The following ACSS3 variants were observed in gnomAD, a reference collection of about 807,000 sequenced individuals.
ACSS3 encodes acyl-CoA synthetase short chain family member 3.
A neutral mutation model predicts 84.2 loss-of-function variants in ACSS3; 64 were observed. That is an observed-to-expected ratio of 0.76 (90% confidence interval 0.62 to 0.94). The LOEUF (loss-of-function observed/expected upper bound fraction) is 0.94. Ranked by LOEUF, ACSS3 falls within the 40% of genes least tolerant of loss-of-function variation. The probability of loss-of-function intolerance (pLI) is 0.00; values close to 1 mark genes in which losing one functional copy is unlikely to be tolerated. For synonymous variants in ACSS3, 317 were observed against 310.1 expected, an observed-to-expected ratio of 1.02 and a Z score of -0.23; for missense variants, 815 against 867.6, an observed-to-expected ratio of 0.94 and a Z score of 0.76.
chr12:81,226,444 T>C (rs989732580), intron 11 of ACSS3, among the ~76,000 whole-genome samples: 2 of 151,816 alleles, frequency 1.3e-5, no homozygotes, highest in Non-Finnish European at 2.9e-5. Context: ...TGTAATTACC[T>C]AGCTACACAT....
intron 9 of ACSS3, among the ~76,000 whole-genome samples, chr12:81,209,916 A>G (rs1300269811): frequency 1.3e-5 from 2 of 152,212 alleles, no homozygotes; most frequent in African/African-American, 4.8e-5. Flanking sequence ...ATGCTAATGC[A>G]TTATAATTAG....
At chr12:81,231,679 T>C (rs1294192473) in intron 12 of ACSS3, among the ~76,000 whole-genome samples, 1 of 151,808 alleles carries the variant, frequency 6.6e-6, no homozygotes, top group Admixed American at 6.6e-5. Flanking sequence ...ACAGAAACAG[T>C]GTACTCAAAG....
intron 13 of ACSS3, among the ~76,000 whole-genome samples, chr12:81,245,458 T>C (rs1446411446): frequency 6.6e-6 from 1 of 152,094 alleles, no homozygotes; most frequent in Non-Finnish European, 1.5e-5. Context: ...TGAGACTCTG[T>C]CTCAAAAAAA....
intron 8 of ACSS3, among the ~76,000 whole-genome samples, chr12:81,191,497 T>A (rs1262422311): frequency 6.6e-6 from 1 of 152,196 alleles, no homozygotes; most frequent in Non-Finnish European, 1.5e-5. Context: ...GAAGATTTTA[T>A]GTACAATTAA....
chr12:81,202,679 T>C (rs1251044277), intron 9 of ACSS3, among the ~76,000 whole-genome samples: 1 of 152,206 alleles, frequency 6.6e-6, no homozygotes, highest in African/African-American at 2.4e-5. Flanking sequence ...AATTCATATG[T>C]GTATGAATAA....
chr12:81,100,179 T>C (rs1230465884), intron 1 of ACSS3, among the ~76,000 whole-genome samples: 1 of 150,350 alleles, frequency 6.7e-6, no homozygotes, highest in Non-Finnish European at 1.5e-5. Flanking sequence ...TAGCAGGCAT[T>C]AATGAGCAAG....
intron 1 of ACSS3, chr12:81,094,783 T>C (rs1007552792): frequency 4.6e-5 from 7 of 151,978 alleles, no homozygotes; most frequent in African/African-American, 7.2e-5. Flanking sequence ...TATGAAAAAA[T>C]GAAAAAATGT....
intron 8 of ACSS3, among the ~76,000 whole-genome samples, chr12:81,180,731 G>T (rs928935951): frequency 6.6e-6 from 1 of 152,090 alleles, no homozygotes; most frequent in Non-Finnish European, 1.5e-5. Flanking sequence ...GGCCAGGCTG[G>T]TCTCAAACTC....
chr12:81,171,729 T>A (rs1193945325), intron 7 of ACSS3, among the ~76,000 whole-genome samples: 1 of 152,184 alleles, frequency 6.6e-6, no homozygotes, highest in Non-Finnish European at 1.5e-5. Flanking sequence ...TTTTTACTAA[T>A]ACAGTCATAT....
At chr12:81,115,952 G>A (rs1488935536) in intron 2 of ACSS3, among the ~76,000 whole-genome samples, 2 of 151,988 alleles carry the variant, frequency 1.3e-5, no homozygotes, top group African/African-American at 2.4e-5. Flanking sequence ...CACCAGTGCC[G>A]GTATTTAAGG....
chr12:81,237,519 A>C (rs1593230041), intron 13 of ACSS3, among the ~76,000 whole-genome samples: 1 of 151,556 alleles, frequency 6.6e-6, no homozygotes, highest in Non-Finnish European at 1.5e-5. Context: ...AGATGTTTAG[A>C]TTTTCCTGAT....
At position 81,259,386 on chromosome 12, in the gene ACSS3, A is replaced by G. The variant is rs1248672869; in HGVS notation, c.*4464A>G. The G allele has an allele frequency of 7.9e-6, 5 of 629,094 alleles. No homozygotes were observed. The highest frequency in any genetic ancestry group is 2.5e-4 in the Middle Eastern group (1 of 3,934). The allele number at this position is 629,094 out of a possible 1,614,324, so 39.0% of individuals were successfully genotyped here. On this transcript the variant is annotated 3_prime_UTR_variant, in exon 16 of 16. Coordinates refer to ENST00000548058, the MANE Select transcript of ACSS3 (RefSeq NM_024560.4). The stretch of plus-strand genomic sequence containing the variant: ...AATGCCTAGTATATTACAATAAAAC[A>G]TGAAAAACAACTGGCTTCATTTCAT...
At chr12:81,244,004 C>G (rs984327269) in intron 13 of ACSS3, among the ~76,000 whole-genome samples, 6 of 152,090 alleles carry the variant, frequency 3.9e-5, no homozygotes, top group African/African-American at 1.4e-4. Flanking sequence ...CTTAACATTT[C>G]TTGCAAAGCA....
intron 13 of ACSS3, among the ~76,000 whole-genome samples, chr12:81,243,946 T>C (rs527294459): frequency 1.3e-5 from 2 of 152,366 alleles, no homozygotes; most frequent in South Asian, 4.1e-4. Flanking sequence ...CCTTTATTTT[T>C]ATTTATACAA....
chr12:81,232,618 G>A (rs1281661158), intron 12 of ACSS3, among the ~76,000 whole-genome samples: 6 of 151,660 alleles, frequency 4.0e-5, no homozygotes, highest in Non-Finnish European at 4.4e-5. Context: ...ATGCTTCACA[G>A]AAGCTTTAGA....
At chr12:81,123,401 G>T (rs769369086) in intron 2 of ACSS3, among the ~76,000 whole-genome samples, 2 of 152,082 alleles carry the variant, frequency 1.3e-5, no homozygotes, top group Admixed American at 1.3e-4. Flanking sequence ...TAAACCTCTC[G>T]TATTCTTATA....
chr12:81,156,636 C>T (rs1886886478), intron 7 of ACSS3, among the ~76,000 whole-genome samples: 1 of 151,988 alleles, frequency 6.6e-6, no homozygotes, highest in Non-Finnish European at 1.5e-5. Flanking sequence ...CTGCAGACAT[C>T]AAAAGTGTAA....
intron 4 of ACSS3, 82 bp from the exon 5 acceptor site, chr12:81,143,025 A>G (rs1886165328): frequency 7.6e-7 from 1 of 1,307,912 alleles, no homozygotes; most frequent in African/African-American, 1.5e-5. Flanking sequence ...AGATGCTCAG[A>G]CTTAAATAGA....
intron 1 of ACSS3, among the ~76,000 whole-genome samples, chr12:81,085,083 A>C (rs1881226073): frequency 6.6e-6 from 1 of 152,180 alleles, no homozygotes; most frequent in Non-Finnish European, 1.5e-5. Context: ...TTAAATGCAG[A>C]AGTGAAGAAA....
Sources: allele counts gnomAD v4.1 joint callset (sites outside exome capture counted in the v4.1 genomes callset), GRCh38; gene constraint gnomAD v4.1.1; transcripts MANE v1.5; gene names NCBI Gene and HGNC (gene_info 2026-07-23, HGNC 2026-07-21).